Variants in SBNO2 observed in about 807,000 individuals in gnomAD.
The protein encoded by SBNO2 is strawberry notch homolog 2, also known as protein strawberry notch homolog 2.
In SBNO2, 89 loss-of-function variants were observed where a neutral mutation model predicts 146.3. The ratio of observed to expected loss-of-function variants is 0.61; its 90% CI spans 0.51 to 0.73. The LOEUF is 0.73. Ranked by LOEUF, SBNO2 falls within the 30% of genes least tolerant of loss-of-function variation. The probability of loss-of-function intolerance (pLI) is 0.00; values close to 1 mark genes in which losing one functional copy is unlikely to be tolerated. For missense variants in SBNO2, 2,092 were observed against 2,003.7 expected (o/e 1.04, Z -0.84); for synonymous variants, 1,147 against 892.6 (o/e 1.29, Z -5.08).
At chr19:1,146,643 G>A (rs904958106) in intron 4 of SBNO2, among the ~76,000 whole-genome samples, 19 of 151,358 alleles carry the variant, frequency 1.3e-4, no homozygotes, top group Non-Finnish European at 1.9e-4. Context: ...CAGGGAAGCC[G>A]ATCTCTGTGG....
intron 4 of SBNO2, among the ~76,000 whole-genome samples, chr19:1,142,169 A>G (rs1023977356): frequency 0.038 from 169 of 4,420 alleles, no homozygotes; most frequent in Middle Eastern, 0.25. Flanking sequence ...TCACTCAATG[A>G]CCTCCCTCCC....
intron 6 of SBNO2, 37 bp from the exon 7 acceptor site, chr19:1,123,676 C>T: frequency 6.4e-7 from 1 of 1,570,730 alleles, no homozygotes; most frequent in South Asian, 1.1e-5. Context: ...AGACTGCAGG[C>T]CTGAGCGGCC....
At chr19:1,166,202 AT>A (rs1460917562) in intron 1 of SBNO2, among the ~76,000 whole-genome samples, 10,800 of 68,720 alleles carry the variant, frequency 0.16, 938 homozygotes, top group East Asian at 0.24. Context: ...AGATCCCCGG[AT>A]CCCCAGATCC....
chr19:1,108,739 G>C, intron 31 of SBNO2, 35 bp from the exon 32 acceptor site: 1 of 1,584,480 alleles, frequency 6.3e-7, no homozygotes, highest in Non-Finnish European at 8.5e-7. Context: ...GGCCGGCGCT[G>C]GGGGCTCGGG....
chr19:1,127,432 G>C (rs375133956), intron 5 of SBNO2, 172 bp downstream of exon 5: 4 of 650,626 alleles, frequency 6.1e-6, no homozygotes, highest in South Asian at 5.5e-5. Context: ...GGACACAAGA[G>C]GACCCTCAAC....
intron 11 of SBNO2, among the ~76,000 whole-genome samples, chr19:1,121,370 G>A (rs777949694): frequency 5.3e-5 from 8 of 152,186 alleles, no homozygotes; most frequent in Non-Finnish European, 7.3e-5. Context: ...AGCCGGGTGC[G>A]AAGACACCAG....
At chr19:1,132,004 C>T in intron 4 of SBNO2, 2 of 1,047,790 alleles carry the variant, frequency 1.9e-6, no homozygotes, top group Admixed American at 3.6e-5. Context: ...GCTGCTCCGG[C>T]AGGGGGCCCG....
Position 1,149,847 on chromosome 19 carries a change from C to T in SBNO2, c.94-405G>A, listed in dbSNP as rs781180364. 2.6e-5 allele frequency among the ~76,000 whole-genome samples: 4 copies of T among 152,204 alleles called. 1 individual carries two copies. Among genetic ancestry groups the T allele is most frequent in the South Asian group, 4.1e-4 (2 of 4,836 alleles). ...GATCGGACCGTTTGCGTGAGGGAGA[C>T]GCGCACCCGCTGCCTGTGGTGGAGG... is the stretch of plus-strand genomic sequence containing the variant. On this transcript the variant is annotated intron_variant, in intron 2 of 31. Coordinates refer to ENST00000361757, the MANE Select transcript of SBNO2 (RefSeq NM_014963.3).
At chr19:1,142,454 C>T (rs1190364797) in intron 4 of SBNO2, among the ~76,000 whole-genome samples, 5 of 152,190 alleles carry the variant, frequency 3.3e-5, no homozygotes, top group South Asian at 2.1e-4. Flanking sequence ...AGTTACCAGG[C>T]GGATCGCCTG....
chr19:1,123,672 C>T, intron 6 of SBNO2, 33 bp from the exon 7 acceptor site: 1 of 1,580,710 alleles, frequency 6.3e-7, no homozygotes. Flanking sequence ...GCGGAGACTG[C>T]AGGCCTGAGC....
In SBNO2 at chr19:1,109,673, T is replaced by C. The variant is rs1422429844; in HGVS notation, c.3123+10A>G. On this transcript the variant is annotated intron_variant, in intron 27 of 31. Transcript: ENST00000361757. This position sits in a 1 kb window ranked among gnomAD's most constrained non-coding sequence, Gnocchi z 4.2. Reference sequence around the variant, plus strand: ...GCAGAGTGTGAGGGGCTGTGGGGCTTCCTGCTGACCTTGTAGAAGACCACC... The same window carrying C: ...GCAGAGTGTGAGGGGCTGTGGGGCTCCCTGCTGACCTTGTAGAAGACCACC... 6.2e-7 allele frequency: 1 copy of C among 1,607,340 alleles called. No individual in the cohort carries two copies. The highest frequency in any genetic ancestry group is 8.5e-7 in the Non-Finnish European group (1 of 1,176,854).
intron 23 of SBNO2, 127 bp downstream of exon 23, chr19:1,111,869 C>T (rs1299887689): frequency 4.0e-6 from 4 of 989,590 alleles, no homozygotes; most frequent in Non-Finnish European, 6.0e-6. Context: ...TAGACCCGGC[C>T]CTCCTCCAGA....
chr19:1,132,197 T>G, intron 4 of SBNO2: 1 of 1,369,064 alleles, frequency 7.3e-7, no homozygotes, highest in Non-Finnish European at 9.5e-7. Context: ...GGCTCCCTCA[T>G]GACCGCGGCA....
chr19:1,141,288 C>A (rs2080135124), intron 4 of SBNO2, among the ~76,000 whole-genome samples: 1 of 151,998 alleles, frequency 6.6e-6, no homozygotes, highest in South Asian at 2.1e-4. Context: ...AATCTCGGCT[C>A]CCTGCAACCT....
Position 1,122,914 on chromosome 19 carries a change from C to T in SBNO2, c.760G>A (p.Ala254Thr). ...GTCACCTGGCAGGCGTAGGTGATGG[C>T]CTCTAGCTGCAGGGCAGACAGGGCC... ...SGALSALQLE[A>T]ITYACQQHEV... is the part of the protein sequence containing the mutation. The change falls in exon 8 of 32, where the codon GCC becomes ACC. Residue 254 changes from alanine (A) to threonine (T), a missense_variant. By Grantham distance (58) the Ala-to-Thr change is moderately conservative (BLOSUM62 0). Transcript: ENST00000361757. The T allele has an allele frequency of 3.9e-6, 6 of 1,552,950 alleles. No homozygotes were observed. The highest frequency in any genetic ancestry group is 5.2e-6 in the Non-Finnish European group (6 of 1,149,144).
chr19:1,108,547 G>C lies in SBNO2; in HGVS notation c.3774C>G (p.Asp1258Glu). Residue 1258 changes from aspartate (D) to glutamate (E), a missense_variant, in exon 32 of 32, where the codon GAC (aspartate) becomes GAG (glutamate). Asp to Glu is a conservative substitution (Grantham distance 45). Coordinates refer to ENST00000361757, the MANE Select transcript of SBNO2 (RefSeq NM_014963.3). The stretch of plus-strand genomic sequence containing the variant: ...CCTCGGCCGGGGGGCTGTAGGTGAG[G>C]TCCAGCACCTCTCCGGGGCCGCAAG... ...ALPCGPGEVL[D>E]LTYSPPAEAF... 8.1e-7 allele frequency: 1 copy of C among 1,241,736 alleles called. No individual in the cohort carries two copies. The highest frequency in any genetic ancestry group is 1.0e-6 in the Non-Finnish European group (1 of 992,920). 76.9% of individuals were successfully genotyped at this position (1,241,736 alleles called of 1,614,324 possible).
At chr19:1,135,249 C>G (rs897738279) in intron 4 of SBNO2, among the ~76,000 whole-genome samples, 1 of 151,802 alleles carries the variant, frequency 6.6e-6, no homozygotes, top group African/African-American at 2.4e-5. Context: ...GTGGTCCCAG[C>G]TGCTCAGGAG....
rs779620951 is a variant in SBNO2 at position 1,144,241 on chromosome 19, T to C, written c.279+3068A>G. Among the ~76,000 whole-genome samples the C allele has an allele frequency of 9.9e-5, 15 of 151,882 alleles. No individual in the cohort carries two copies. The highest frequency in any genetic ancestry group is 2.1e-4 in the Non-Finnish European group (14 of 67,958). On this transcript the variant is annotated intron_variant, in intron 4 of 31. Transcript: ENST00000361757. The surrounding 1 kb of genome is among the most constrained non-coding windows in gnomAD (Gnocchi z 4.1). ...ACAGGACTGAGCTGACCCACACCCG[T>C]CCCATCCCACACTCAGCACTGGGGG...
rs747420226 is a variant in SBNO2 at position 1,111,525 on chromosome 19, C to T, written c.2790G>A (p.Gly930=). ...GCTTACCCCGGAAGAAGGTGGGGAC[C>T]CCTCCAGGGTATCCCTGGGGCACAG... ...KVPVPQGYPG[G]VPTFFRDMKQ... Residue 930 remains glycine, a synonymous_variant, in exon 24 of 32, where the codon GGG becomes GGA. Transcript: ENST00000361757. 9.5e-6 allele frequency: 15 copies of T among 1,585,090 alleles called. No individual in the cohort carries two copies. The highest frequency in any genetic ancestry group is 1.7e-4 in the Middle Eastern group (1 of 6,054).
Sources: allele counts gnomAD v4.1 joint callset (sites outside exome capture counted in the v4.1 genomes callset), GRCh38; gene constraint gnomAD v4.1.1; non-coding constraint Gnocchi (gnomAD v3.1); transcripts MANE v1.5; gene names NCBI Gene and HGNC (gene_info 2026-07-23, HGNC 2026-07-21).